Variants in STX6 observed in about 807,000 individuals in gnomAD.
The protein encoded by STX6 is syntaxin 6, also known as syntaxin-6.
In STX6, 23 loss-of-function variants were observed where a neutral mutation model predicts 38.0. The ratio of observed to expected loss-of-function variants is 0.60; its 90% CI spans 0.43 to 0.86. The LOEUF is 0.86. Among genes scored for constraint, STX6 ranks in the 40% least tolerant of loss-of-function variants. STX6 has a pLI of 0.00. For missense variants in STX6, 274 were observed against 312.9 expected (o/e 0.88, Z 0.94); for synonymous variants, 123 against 107.5 (o/e 1.14, Z -0.89).
chr1:180,988,162 C>T (rs1655642883), intron 6 of STX6, 77 bp downstream of exon 6: 1 of 999,802 alleles, frequency 1.0e-6, no homozygotes, highest in South Asian at 1.4e-5. Flanking sequence ...CACGTAGCTG[C>T]CAGGCTTTTT....
At chr1:180,998,770 A>T (rs962298367) in intron 3 of STX6, among the ~76,000 whole-genome samples, 4 of 152,240 alleles carry the variant, frequency 2.6e-5, no homozygotes, top group African/African-American at 9.6e-5. Flanking sequence ...TCGGGATCTT[A>T]AACTATGTTA....
At chr1:180,988,101 A>T in intron 6 of STX6, 138 bp downstream of exon 6, 1 of 601,428 alleles carries the variant, frequency 1.7e-6, no homozygotes, top group South Asian at 2.0e-5. Context: ...CTAATCTGTA[A>T]AACAGAATAA....
intron 1 of STX6, among the ~76,000 whole-genome samples, chr1:181,010,448 T>C (rs1010561827): frequency 6.6e-6 from 1 of 151,944 alleles, no homozygotes; most frequent in Admixed American, 6.6e-5. Flanking sequence ...ATTATGGGTA[T>C]GCGCCACCAC....
chr1:180,976,366 A>C lies in STX6; in HGVS notation c.*204T>G. 1.8e-6 allele frequency: 1 copy of C among 560,180 alleles called. No homozygotes were observed. The highest frequency in any genetic ancestry group is 2.0e-5 in the South Asian group (1 of 49,580). The allele number at this position is 560,180 out of a possible 1,614,324, so 34.7% of individuals were successfully genotyped here. A position where few individuals can be genotyped will look rare whatever the true frequency, so the allele number is the denominator to read the frequency against. On this transcript the variant is annotated 3_prime_UTR_variant, in exon 8 of 8. Coordinates refer to ENST00000258301, the MANE Select transcript of STX6 (RefSeq NM_005819.6). ...GTTGTCCAGCTGCAGCCAGGAGTGC[A>C]GACATCTATTTCCTCTTCCCACTGG...
intron 1 of STX6, among the ~76,000 whole-genome samples, chr1:181,012,399 G>C (rs186498176): frequency 1.1e-4 from 16 of 152,266 alleles, no homozygotes; most frequent in Middle Eastern, 3.4e-3. Flanking sequence ...GCCAGTGTTG[G>C]CAATTCTAGG....
intron 3 of STX6, among the ~76,000 whole-genome samples, chr1:181,001,463 A>C (rs1177432728): frequency 6.6e-6 from 1 of 152,218 alleles, no homozygotes; most frequent in African/African-American, 2.4e-5. Flanking sequence ...TATTATTCTA[A>C]ATAACTTAGA....
chr1:180,994,242 A>G lies in STX6; in HGVS notation c.301-817T>C, dbSNP rs575449880. ...TCGTCAAAATATAATTTATGCAAAC[A>G]TCAAAGTGTAAGACTTTTAGAAACT... On this transcript the variant is annotated intron_variant, in intron 3 of 7. Coordinates refer to ENST00000258301, the MANE Select transcript of STX6 (RefSeq NM_005819.6). Among the ~76,000 whole-genome samples, 8 of 152,376 alleles carry G rather than the reference A, an allele frequency of 5.3e-5. No individual in the cohort carries two copies. In the South Asian group the frequency reaches 1.7e-3, roughly 32 times the overall value.
chr1:181,020,046 T>C (rs1352937551), intron 1 of STX6, among the ~76,000 whole-genome samples: 3 of 151,924 alleles, frequency 2.0e-5, no homozygotes, highest in Non-Finnish European at 4.4e-5. Context: ...GCCCTGCCCA[T>C]AGTCCTAAAA....
chr1:181,014,291 G>A lies in STX6; in HGVS notation c.35+8348C>T, dbSNP rs1417234665. Reference sequence around the variant, plus strand: ...CACCTGTAAACCCAGCTACTCAGAAGGCTGAGGCAGAAGAATCGCTTGAAC... The same window carrying A: ...CACCTGTAAACCCAGCTACTCAGAAAGCTGAGGCAGAAGAATCGCTTGAAC... On this transcript the variant is annotated intron_variant, in intron 1 of 7. Transcript: ENST00000258301. Among the ~76,000 whole-genome samples, 8 of 151,954 alleles carry A rather than the reference G, an allele frequency of 5.3e-5. No individual in the cohort carries two copies. In the East Asian group the frequency reaches 1.5e-3, roughly 29 times the overall value.
chr1:181,014,396 AAAAAAAAAAG>A (rs1435862198), intron 1 of STX6, among the ~76,000 whole-genome samples: 2 of 150,636 alleles, frequency 1.3e-5, no homozygotes, highest in South Asian at 2.1e-4. Flanking sequence ...TCCATCTCAA[AAAAAAAAAAG>A]AAAAAAAAAG....
At chr1:181,012,236 T>C (rs1656421416) in intron 1 of STX6, among the ~76,000 whole-genome samples, 1 of 152,210 alleles carries the variant, frequency 6.6e-6, no homozygotes, top group Non-Finnish European at 1.5e-5. Flanking sequence ...CTAGGAATTA[T>C]AGTTTTAGCT....
intron 3 of STX6, 131 bp from the exon 4 acceptor site, chr1:180,993,556 A>G: frequency 1.9e-6 from 1 of 525,260 alleles, no homozygotes; most frequent in Non-Finnish European, 3.4e-6. Flanking sequence ...TCTTGGCTTT[A>G]TTTTCAGTCT....
chr1:180,995,919 A>G (rs115414137), intron 3 of STX6, among the ~76,000 whole-genome samples: 118 of 152,252 alleles, frequency 7.8e-4, no homozygotes, highest in Non-Finnish European at 1.6e-3. Flanking sequence ...TGCTGGTAAC[A>G]CCCTGCAATG....
chr1:181,019,216 A>G (rs1202940327), intron 1 of STX6, among the ~76,000 whole-genome samples: 1 of 152,122 alleles, frequency 6.6e-6, no homozygotes, highest in African/African-American at 2.4e-5. Flanking sequence ...TTTCTAACAC[A>G]CATTGCCCAA....
intron 3 of STX6, among the ~76,000 whole-genome samples, chr1:180,994,864 C>T (rs1246005338): frequency 6.6e-6 from 1 of 152,048 alleles, no homozygotes; most frequent in African/African-American, 2.4e-5. Context: ...GATGGATATT[C>T]CAATTACCTT....
intron 7 of STX6, among the ~76,000 whole-genome samples, chr1:180,981,392 C>T (rs1321364266): frequency 1.3e-5 from 2 of 151,982 alleles, no homozygotes; most frequent in Non-Finnish European, 2.9e-5. Context: ...AATTTAAAAC[C>T]ACTTTGCTAA....
chr1:181,022,418 CA>C (rs1656764750), intron 1 of STX6, among the ~76,000 whole-genome samples: 1 of 152,324 alleles, frequency 6.6e-6, no homozygotes, highest in East Asian at 1.9e-4. Flanking sequence ...GGCCCCCCAC[CA>C]CCAGGGGCTT....
At position 180,976,640 on chromosome 1, in the gene STX6, C is replaced by T. The variant is rs770420386; in HGVS notation, c.698G>A (p.Arg233His). 10 of 1,613,262 alleles carry T rather than the reference C, an allele frequency of 6.2e-6. No homozygotes were observed. The highest frequency in any genetic ancestry group is 2.2e-5 in the East Asian group (1 of 44,896). The change falls in exon 8 of 8, where the codon CGC becomes CAC. Residue 233 changes from arginine (R) to histidine (H), a missense_variant. Arg to His is a conservative substitution (Grantham distance 29). Transcript: ENST00000258301. ...GAGGATGGCTATGGCACACCATTGG[C>T]GCCGATCTGGAAGGCAGGACATGGG... ...AKVSHMTSDR[R>H]QWCAIAILFA...
At chr1:180,980,224 C>CAAAAAAAAAAAAAAAAAAAAAAAAAAAA (rs1558086121) in intron 7 of STX6, among the ~76,000 whole-genome samples, 1 of 134,360 alleles carries the variant, frequency 7.4e-6, no homozygotes, top group Non-Finnish European at 1.6e-5. Context: ...AAAAAAAAAA[C>CAAAAAAAAAAAAAAAAAAAAAAAAAAAA]ACCATGAAAG....
Sources: gnomAD v4.1 joint callset for allele counts (sites outside exome capture counted in the v4.1 genomes callset) on GRCh38, gnomAD v4.1.1 for gene constraint, MANE v1.5 for transcripts, NCBI Gene and HGNC (gene_info 2026-07-23, HGNC 2026-07-21) for gene names.